Variants in P4HA2 observed in about 807,000 individuals in gnomAD.
P4HA2 encodes prolyl 4-hydroxylase subunit alpha 2.
P4HA2 carries 46 observed loss-of-function variants against 76.9 expected under a neutral mutation model. The observed-to-expected ratio is 0.60, with a 90% CI of 0.47 to 0.76. The LOEUF (loss-of-function observed/expected upper bound fraction) is 0.76. Among genes scored for constraint, P4HA2 ranks in the 30% least tolerant of loss-of-function variants. The pLI is 0.00. For missense variants in P4HA2, 583 were observed against 669.4 expected (o/e 0.87, Z 1.42); for synonymous variants, 243 against 254.0 (o/e 0.96, Z 0.41).
chr5:132,215,694 G>A lies in P4HA2; in HGVS notation c.331+1503C>T, dbSNP rs540654268. On this transcript the variant is annotated intron_variant, in intron 4 of 14. Transcript: ENST00000360568. ...GGGAAAAGAGGCAGTGAAGAGCTGG[G>A]TACAATGGCACTGTGCCTATAGTCC... is the stretch of plus-strand genomic sequence containing the variant. Among the ~76,000 whole-genome samples the A allele has an allele frequency of 3.2e-3, 487 of 152,244 alleles. 1 individual carries two copies. Among genetic ancestry groups the A allele is most frequent in the Middle Eastern group, 6.8e-3 (2 of 294 alleles).
At chr5:132,209,450 T>A in intron 6 of P4HA2, 119 bp from the exon 7 acceptor site, 1 of 816,904 alleles carries the variant, frequency 1.2e-6, no homozygotes, top group Non-Finnish European at 2.0e-6. Flanking sequence ...GCATTCTACC[T>A]TCCACAGCAT....
At chr5:132,199,846 T>G (rs1270038612) in intron 10 of P4HA2, 3 of 152,220 alleles carry the variant, frequency 2.0e-5, no homozygotes, top group African/African-American at 7.2e-5. Context: ...TATCCTTTTC[T>G]GCAATCCCAA....
chr5:132,221,804 C>CT (rs1754683594), intron 1 of P4HA2, among the ~76,000 whole-genome samples: 1 of 152,198 alleles, frequency 6.6e-6, no homozygotes. Context: ...CAAACGGGCC[C>CT]TGCCAGCCCT....
At chr5:132,215,499 TG>T (rs1753710618) in intron 4 of P4HA2, among the ~76,000 whole-genome samples, 1 of 152,108 alleles carries the variant, frequency 6.6e-6, no homozygotes, top group South Asian at 2.1e-4. Context: ...AAGGCAGCCG[TG>T]GTTTCTGGAG....
At chr5:132,193,113 A>T (rs908837198) in intron 14 of P4HA2, 33 bp from the exon 15 acceptor site, 1 of 1,529,436 alleles carries the variant, frequency 6.5e-7, no homozygotes, top group Non-Finnish European at 9.1e-7. Flanking sequence ...TTACAATCCT[A>T]TTGGTCAGTT....
chr5:132,215,027 C>T (rs888667345), intron 4 of P4HA2, among the ~76,000 whole-genome samples: 1 of 152,214 alleles, frequency 6.6e-6, no homozygotes. Flanking sequence ...GCCATTCCTT[C>T]CCCAACCTCT....
intron 8 of P4HA2, among the ~76,000 whole-genome samples, chr5:132,205,116 G>A (rs1166422203): frequency 1.3e-5 from 2 of 152,248 alleles, no homozygotes; most frequent in Non-Finnish European, 2.9e-5. Flanking sequence ...TTACAACTCA[G>A]TCAAGTGGGG....
intron 2 of P4HA2, among the ~76,000 whole-genome samples, chr5:132,218,106 C>A (rs150151501): frequency 6.6e-6 from 1 of 152,096 alleles, no homozygotes; most frequent in Non-Finnish European, 1.5e-5. Context: ...AAGAAGCAGC[C>A]CTAAATCTCA....
intron 8 of P4HA2, among the ~76,000 whole-genome samples, chr5:132,205,400 A>G (rs1428116642): frequency 6.6e-6 from 1 of 152,180 alleles, no homozygotes; most frequent in African/African-American, 2.4e-5. Context: ...AGAGACAAGC[A>G]GGGGCTAGGA....
intron 1 of P4HA2, among the ~76,000 whole-genome samples, chr5:132,223,211 G>A (rs1754873654): frequency 2.0e-5 from 3 of 152,202 alleles, no homozygotes; most frequent in African/African-American, 4.8e-5. Context: ...ACATCTCTGT[G>A]CAGAGTAGCC....
intron 1 of P4HA2, chr5:132,227,265 G>C (rs1005143387): frequency 6.6e-6 from 1 of 152,334 alleles, no homozygotes; most frequent in African/African-American, 2.4e-5. Flanking sequence ...ATGTCTGGGG[G>C]AGAAAAGACT....
intron 10 of P4HA2, 68 bp downstream of exon 10, chr5:132,203,680 A>G (rs1751810254): frequency 1.0e-5 from 10 of 962,580 alleles, no homozygotes; most frequent in African/African-American, 1.6e-5. Flanking sequence ...AGTTCTGGAC[A>G]CCCTGTGAGA....
At chr5:132,226,896 G>A (rs201091232) in intron 1 of P4HA2, 3 of 152,638 alleles carry the variant, frequency 2.0e-5, no homozygotes, top group Non-Finnish European at 2.9e-5. Context: ...AAGGCCATAA[G>A]GAATGGCATT....
intron 1 of P4HA2, among the ~76,000 whole-genome samples, chr5:132,219,496 C>T (rs1288762618): frequency 1.3e-5 from 2 of 152,194 alleles, no homozygotes; most frequent in Non-Finnish European, 2.9e-5. Context: ...CAACCTGAGA[C>T]AAACCCCACT....
chr5:132,216,055 G>A (rs1279527626), intron 4 of P4HA2, among the ~76,000 whole-genome samples: 2 of 147,788 alleles, frequency 1.4e-5, no homozygotes, highest in African/African-American at 5.0e-5. Flanking sequence ...GTCCCAGCTA[G>A]TCAGGAGGCT....
intron 1 of P4HA2, among the ~76,000 whole-genome samples, chr5:132,226,303 C>A (rs566142421): frequency 6.6e-6 from 1 of 152,184 alleles, no homozygotes; most frequent in Non-Finnish European, 1.5e-5. Flanking sequence ...TACAACGTAA[C>A]GGACTCCAGC....
chr5:132,209,078 T>C, intron 7 of P4HA2, 60 bp downstream of exon 7: 8 of 1,304,456 alleles, frequency 6.1e-6, no homozygotes, highest in Non-Finnish European at 8.6e-6. Flanking sequence ...CAAATCTGCC[T>C]GCCCAGAGCC....
At chr5:132,194,687 G>A (rs775127647) in intron 14 of P4HA2, among the ~76,000 whole-genome samples, 4 of 152,164 alleles carry the variant, frequency 2.6e-5, no homozygotes, top group Admixed American at 6.5e-5. Context: ...GCAGCTATTC[G>A]TCCTCAGGCC....
intron 11 of P4HA2, 101 bp downstream of exon 11, chr5:132,198,778 T>TGG (rs1028241781): frequency 1.2e-6 from 1 of 808,110 alleles, no homozygotes; most frequent in Non-Finnish European, 2.2e-6. Context: ...GGACAAGGGG[T>TGG]GGGGGTACTG....
Sources: gnomAD v4.1 joint callset for allele counts (sites outside exome capture counted in the v4.1 genomes callset) on GRCh38, gnomAD v4.1.1 for gene constraint, MANE v1.5 for transcripts, NCBI Gene and HGNC (gene_info 2026-07-23, HGNC 2026-07-21) for gene names.